SLC24A2: variants seen among roughly 807,000 people sequenced by gnomAD.
SLC24A2 encodes the protein sodium/potassium/calcium exchanger 2.
SLC24A2 carries 36 observed loss-of-function variants against 62.0 expected under a neutral mutation model. The observed-to-expected ratio is 0.58, with a 90% CI of 0.44 to 0.77. The LOEUF (loss-of-function observed/expected upper bound fraction) is 0.77, where lower values mean the gene tolerates loss of function less well. Among genes scored for constraint, SLC24A2 ranks in the 30% least tolerant of loss-of-function variants. SLC24A2 has a pLI of 0.00. For missense variants in SLC24A2, 846 were observed against 817.9 expected (o/e 1.03, Z -0.42); for synonymous variants, 358 against 294.0 (o/e 1.22, Z -2.23).
intron 2 of SLC24A2, among the ~76,000 whole-genome samples, chr9:19,651,422 T>C (rs901955543): frequency 1.3e-5 from 2 of 152,216 alleles, no homozygotes; most frequent in Non-Finnish European, 2.9e-5. Context: ...AGAATGAGGA[T>C]TGAGACTCAG....
At chr9:19,550,478 T>C (rs1440298571) in intron 7 of SLC24A2, among the ~76,000 whole-genome samples, 1 of 152,150 alleles carries the variant, frequency 6.6e-6, no homozygotes, top group African/African-American at 2.4e-5. Flanking sequence ...ATGTAAGAAT[T>C]TTCTTTTATC....
intron 7 of SLC24A2, among the ~76,000 whole-genome samples, chr9:19,570,754 A>C (rs1413159988): frequency 1.3e-5 from 2 of 152,206 alleles, no homozygotes; most frequent in East Asian, 3.8e-4. Context: ...CAGATGAGGC[A>C]ACTAAATTAA....
At chr9:19,787,407 G>T (rs574388671) in intron 1 of SLC24A2, among the ~76,000 whole-genome samples, 4 of 152,070 alleles carry the variant, frequency 2.6e-5, no homozygotes, top group Admixed American at 2.6e-4. Context: ...TGCTATAAAG[G>T]TACCTAGACT....
chr9:20,294,477 G>A, the SLC24A2 span, among the ~76,000 whole-genome samples: 1 of 152,172 alleles, frequency 6.6e-6, no homozygotes, highest in Non-Finnish European at 1.5e-5. Flanking sequence ...TAGGAAACGT[G>A]GCATTCTTTC....
the SLC24A2 span, among the ~76,000 whole-genome samples, chr9:19,996,601 G>C: frequency 6.6e-6 from 1 of 152,024 alleles, no homozygotes; most frequent in Non-Finnish European, 1.5e-5. Flanking sequence ...ACTAAGCCAG[G>C]CATGCTGGCA....
intron 8 of SLC24A2, among the ~76,000 whole-genome samples, chr9:19,535,947 C>T (rs1317957420): frequency 6.6e-6 from 1 of 151,954 alleles, no homozygotes; most frequent in Non-Finnish European, 1.5e-5. Flanking sequence ...TGGCCATTTT[C>T]ATGATAGTGA....
the SLC24A2 span, among the ~76,000 whole-genome samples, chr9:20,119,917 GAAC>G: frequency 6.6e-6 from 1 of 152,158 alleles, no homozygotes; most frequent in Non-Finnish European, 1.5e-5. Context: ...TAGAGGATCG[GAAC>G]AACACAAATT....
chr9:19,832,112 A>G, the SLC24A2 span, among the ~76,000 whole-genome samples: 1 of 152,226 alleles, frequency 6.6e-6, no homozygotes, highest in East Asian at 1.9e-4. Context: ...ATGAAATGCC[A>G]AGGCATGGTC....
chr9:19,972,197 T>C, the SLC24A2 span, among the ~76,000 whole-genome samples: 1 of 151,560 alleles, frequency 6.6e-6, no homozygotes, highest in South Asian at 2.1e-4. Flanking sequence ...AGGAAGGGAA[T>C]AGAAAGAGAG....
chr9:20,154,089 A>C, the SLC24A2 span, among the ~76,000 whole-genome samples: 1 of 151,874 alleles, frequency 6.6e-6, no homozygotes. Context: ...TGGTTACTCT[A>C]TACTGTTACT....
chr9:20,042,665 T>C, the SLC24A2 span, among the ~76,000 whole-genome samples: 1 of 152,228 alleles, frequency 6.6e-6, no homozygotes. Context: ...TATTGTGCTT[T>C]GCTTTATTGC....
chr9:19,803,854 G>A, the SLC24A2 span, among the ~76,000 whole-genome samples: 1 of 151,990 alleles, frequency 6.6e-6, no homozygotes, highest in East Asian at 1.9e-4. Flanking sequence ...GGAGCATTGG[G>A]GTTTCTATTA....
At chr9:20,177,221 A>T in the SLC24A2 span, among the ~76,000 whole-genome samples, 2 of 152,078 alleles carry the variant, frequency 1.3e-5, no homozygotes, top group Non-Finnish European at 2.9e-5. Flanking sequence ...CTGTAGTATG[A>T]CTTTTTATTT....
intron 4 of SLC24A2, among the ~76,000 whole-genome samples, chr9:19,600,190 C>A (rs1024221098): frequency 2.6e-5 from 4 of 152,102 alleles, no homozygotes; most frequent in African/African-American, 9.7e-5. Flanking sequence ...ACCCTGTGGT[C>A]GGTGTTTGAG....
intron 2 of SLC24A2, among the ~76,000 whole-genome samples, chr9:19,723,977 A>C (rs1218186087): frequency 6.6e-6 from 1 of 152,106 alleles, no homozygotes; most frequent in Non-Finnish European, 1.5e-5. Context: ...AATGCATTTA[A>C]CTATTTATAT....
the SLC24A2 span, among the ~76,000 whole-genome samples, chr9:20,103,674 A>T: frequency 6.6e-6 from 1 of 152,234 alleles, no homozygotes; most frequent in African/African-American, 2.4e-5. Context: ...AACAGAAAGG[A>T]CATCCACACA....
chr9:20,174,989 T>C, the SLC24A2 span, among the ~76,000 whole-genome samples: 43 of 140,024 alleles, frequency 3.1e-4, 1 homozygote, highest in African/African-American at 1.1e-3. Context: ...AAGAAGCTGA[T>C]ATATATATAT....
At chr9:19,783,621 A>G (rs527780527) in intron 2 of SLC24A2, among the ~76,000 whole-genome samples, 45 of 152,116 alleles carry the variant, frequency 3.0e-4, no homozygotes, top group South Asian at 4.2e-4. Context: ...CCTGGGGGGG[A>G]AAACCTCCCT....
the SLC24A2 span, among the ~76,000 whole-genome samples, chr9:19,953,578 C>A: frequency 6.6e-6 from 1 of 151,950 alleles, no homozygotes; most frequent in Non-Finnish European, 1.5e-5. Context: ...TTTCTCAAGG[C>A]ACCTCAGATC....
Sources: allele counts gnomAD v4.1 joint callset (sites outside exome capture counted in the v4.1 genomes callset), GRCh38; gene constraint gnomAD v4.1.1; transcripts MANE v1.5; gene names NCBI Gene and HGNC (gene_info 2026-07-23, HGNC 2026-07-21).